Variants in MCPH1 observed in about 807,000 individuals in gnomAD.
The protein encoded by MCPH1 is microcephalin 1.
Under a neutral mutation model 84.5 loss-of-function variants are expected in MCPH1, and 104 were observed. That is an observed-to-expected ratio of 1.23 (90% CI 1.05 to 1.45). MCPH1 has a LOEUF of 1.45. MCPH1 is among the 40% of genes most tolerant of loss of function. The probability of loss-of-function intolerance (pLI) is 0.00; values close to 1 mark genes in which losing one functional copy is unlikely to be tolerated. For missense variants in MCPH1, 1,498 were observed against 1,005.7 expected (o/e 1.49, Z -6.62); for synonymous variants, 514 against 366.8 (o/e 1.40, Z -4.58).
chr8:6,608,780 A>G (rs892274142), intron 12 of MCPH1, among the ~76,000 whole-genome samples: 5 of 152,218 alleles, frequency 3.3e-5, no homozygotes, highest in Admixed American at 2.0e-4. Flanking sequence ...TTTGAGAACC[A>G]CGGGCATGGT....
At position 6,444,645 on chromosome 8, in the gene MCPH1, G is replaced by T; in HGVS notation, c.923G>T (p.Gly308Val). The T allele has an allele frequency of 1.2e-6, 2 of 1,614,112 alleles. No homozygotes were observed. Among genetic ancestry groups the T allele is most frequent in the Non-Finnish European group, 1.7e-6 (2 of 1,180,026 alleles). ...EEINLQRNIAGKVVTPDQKQA... is the reference protein window; with the variant it reads ...EEINLQRNIAVKVVTPDQKQA... Reference sequence around the variant, plus strand: ...ATAAACTTGCAAAGAAATATTGCAGGTAAAGTAGTCACCCCTGACCAAAAG... The same window carrying T: ...ATAAACTTGCAAAGAAATATTGCAGTTAAAGTAGTCACCCCTGACCAAAAG... The change falls in exon 8 of 14, where the codon GGT becomes GTT. Residue 308 changes from glycine to valine, a missense_variant. Gly to Val is a moderately radical substitution (Grantham distance 109, BLOSUM62 -3). Coordinates refer to ENST00000344683, the MANE Select transcript of MCPH1 (RefSeq NM_024596.5).
At chr8:6,435,598 G>C (rs1802525724) in intron 4 of MCPH1, among the ~76,000 whole-genome samples, 1 of 152,140 alleles carries the variant, frequency 6.6e-6, no homozygotes, top group Non-Finnish European at 1.5e-5. Flanking sequence ...TGGTCTAAGT[G>C]CTTAGGTTCT....
chr8:6,568,183 G>A lies in MCPH1; in HGVS notation c.2215-53271G>A, dbSNP rs142346489. Among the ~76,000 whole-genome samples the A allele has an allele frequency of 6.6e-4, 101 of 152,226 alleles. 1 individual carries two copies. The highest frequency in any genetic ancestry group is 2.2e-3 in the African/African-American group (93 of 41,542). On this transcript the variant is annotated intron_variant, in intron 12 of 13. Coordinates refer to ENST00000344683, the MANE Select transcript of MCPH1 (RefSeq NM_024596.5). The stretch of plus-strand genomic sequence containing the variant: ...TTTGCCCAGTTGGAGGCCCTAAGGC[G>A]CAAACAAGAAAAGCCAAAGGGCCTC...
At chr8:6,542,597 CTTA>C (rs1821816230) in intron 12 of MCPH1, among the ~76,000 whole-genome samples, 1 of 150,348 alleles carries the variant, frequency 6.7e-6, no homozygotes, top group Non-Finnish European at 1.5e-5. Context: ...CTATTCTTAT[CTTA>C]AAAAAAAAAA....
intron 11 of MCPH1, among the ~76,000 whole-genome samples, chr8:6,482,831 T>A (rs1022651725): frequency 6.6e-6 from 1 of 152,188 alleles, no homozygotes; most frequent in Non-Finnish European, 1.5e-5. Flanking sequence ...AACACATTAT[T>A]TAATAAACTT....
chr8:6,614,767 G>A (rs544850870), intron 12 of MCPH1, among the ~76,000 whole-genome samples: 36 of 152,224 alleles, frequency 2.4e-4, no homozygotes, highest in African/African-American at 7.9e-4. Context: ...TGTGGCCCCC[G>A]TGGTATCTTA....
intron 12 of MCPH1, among the ~76,000 whole-genome samples, chr8:6,505,351 CTTTCT>C (rs1813266262): frequency 2.7e-5 from 1 of 37,076 alleles, no homozygotes; most frequent in African/African-American, 1.2e-4. Context: ...TATATATATT[CTTTCT>C]ATATGTATAT....
Position 6,429,220 on chromosome 8 carries a change from CTT to C in MCPH1, c.234-2275_234-2274del, listed in dbSNP as rs556657962. Among the ~76,000 whole-genome samples, 34 of 152,258 alleles carry C rather than the reference CTT, an allele frequency of 2.2e-4. No homozygotes were observed. The East Asian group carries it at 6.6e-3, about 29-fold the overall frequency. On this transcript the variant is annotated intron_variant, in intron 3 of 13. Transcript: ENST00000344683. ...TGAATATATTTCCTTTCATGGAAAA[CTT>C]TTTGTTTTCCCTGAGCTTGGCCTGG...
intron 12 of MCPH1, among the ~76,000 whole-genome samples, chr8:6,539,045 G>C (rs950498898): frequency 3.3e-5 from 5 of 152,222 alleles, no homozygotes; most frequent in African/African-American, 1.2e-4. Flanking sequence ...GTGTGTGTGT[G>C]TGTGTTTATT....
chr8:6,419,462 G>T (rs978405033), intron 3 of MCPH1, among the ~76,000 whole-genome samples: 1 of 151,276 alleles, frequency 6.6e-6, no homozygotes, highest in African/African-American at 2.4e-5. Context: ...GCGCAATCTC[G>T]GCTCACTGTA....
At chr8:6,499,089 A>C (rs1811653516) in intron 11 of MCPH1, among the ~76,000 whole-genome samples, 1 of 151,454 alleles carries the variant, frequency 6.6e-6, no homozygotes, top group African/African-American at 2.4e-5. Context: ...TAAATAAATA[A>C]ATAAATAAAT....
intron 12 of MCPH1, among the ~76,000 whole-genome samples, chr8:6,567,866 T>C (rs968668551): frequency 1.3e-5 from 2 of 152,224 alleles, no homozygotes; most frequent in Non-Finnish European, 2.9e-5. Flanking sequence ...GACTGTCAGA[T>C]GAGAAACATT....
At chr8:6,601,020 C>G (rs1829317300) in intron 12 of MCPH1, among the ~76,000 whole-genome samples, 1 of 152,252 alleles carries the variant, frequency 6.6e-6, no homozygotes, top group Admixed American at 6.5e-5. Context: ...GGGACTGGAG[C>G]CCCCAGGAAG....
At chr8:6,420,580 T>A (rs1033088137) in intron 3 of MCPH1, among the ~76,000 whole-genome samples, 1 of 152,142 alleles carries the variant, frequency 6.6e-6, no homozygotes, top group Non-Finnish European at 1.5e-5. Context: ...CATCATTGTT[T>A]TCTCTACCTC....
chr8:6,430,342 C>T (rs1483903444), intron 3 of MCPH1, among the ~76,000 whole-genome samples: 1 of 152,146 alleles, frequency 6.6e-6, no homozygotes, highest in Non-Finnish European at 1.5e-5. Flanking sequence ...TGTCGTTTTG[C>T]TTCGGAAAAT....
At chr8:6,478,806 C>A (rs1259707094) in intron 10 of MCPH1, among the ~76,000 whole-genome samples, 3 of 152,156 alleles carry the variant, frequency 2.0e-5, no homozygotes, top group African/African-American at 7.2e-5. Flanking sequence ...TTGACTCAAG[C>A]ACACATTCTC....
intron 11 of MCPH1, among the ~76,000 whole-genome samples, chr8:6,487,648 G>A (rs1262219371): frequency 6.6e-6 from 1 of 152,226 alleles, no homozygotes; most frequent in Non-Finnish European, 1.5e-5. Context: ...GAGTTTCTGA[G>A]GGTGCCCTTC....
chr8:6,511,296 T>G (rs1815041324), intron 12 of MCPH1, among the ~76,000 whole-genome samples: 1 of 152,172 alleles, frequency 6.6e-6, no homozygotes, highest in Admixed American at 6.5e-5. Context: ...TTGATTTTTT[T>G]TTTTCAATCT....
chr8:6,505,338 G>C (rs1435480123), intron 12 of MCPH1, among the ~76,000 whole-genome samples: 45 of 32,912 alleles, frequency 1.4e-3, no homozygotes, highest in Middle Eastern at 0.067. Context: ...CATATAGAAA[G>C]AATATATATA....
Sources: allele counts gnomAD v4.1 joint callset (sites outside exome capture counted in the v4.1 genomes callset), GRCh38; gene constraint gnomAD v4.1.1; transcripts MANE v1.5; gene names NCBI Gene and HGNC (gene_info 2026-07-23, HGNC 2026-07-21).